The following SERPINA9 variants were observed in gnomAD, a reference collection of about 807,000 sequenced individuals.
SERPINA9 encodes serpin A9.
SERPINA9 carries 32 observed loss-of-function variants against 24.5 expected under a neutral mutation model. That is an observed-to-expected ratio of 1.30 (90% CI 0.98 to 1.75). The LOEUF (loss-of-function observed/expected upper bound fraction) is 1.75. SERPINA9 is among the 40% of genes most tolerant of loss of function. The pLI, the probability that SERPINA9 is intolerant of heterozygous loss-of-function variation, is 0.00. For synonymous variants in SERPINA9, 233 were observed against 197.7 expected (o/e 1.18, Z -1.50); for missense variants, 594 against 497.1 (o/e 1.19, Z -1.85).
At chr14:94,464,461 A>T in intron 4 of SERPINA9, 1 of 548,234 alleles carries the variant, frequency 1.8e-6, no homozygotes, top group Non-Finnish European at 3.2e-6. Context: ...GCTCTCCTGC[A>T]GCAGGCATGG....
intron 1 of SERPINA9, among the ~76,000 whole-genome samples, chr14:94,474,737 A>T (rs8006332): frequency 6.6e-6 from 1 of 151,506 alleles, no homozygotes; most frequent in Non-Finnish European, 1.5e-5. Context: ...TGACAGGGAC[A>T]CTCTGCCGTC....
rs1899221113 is a variant in SERPINA9, at chr14:94,469,776, G to C, written c.65C>G (p.Ser22Cys). Reference sequence around the variant, plus strand: ...GTATGCACTGGGGGCATTGGCCGGGGACACACAGTAGATTGGAGCACAGAG... The same window carrying C: ...GTATGCACTGGGGGCATTGGCCGGGCACACACAGTAGATTGGAGCACAGAG... ...VGLCAPIYCV[S>C]PANAPSAYPR... Residue 22 changes from serine to cysteine, a missense_variant, in exon 2 of 5, where the codon TCC (serine) becomes TGC (cysteine). Physicochemically the swap from Ser to Cys is moderately radical, Grantham distance 112. Coordinates refer to ENST00000674397, the MANE Select transcript of SERPINA9 (RefSeq NM_175739.4). 6.5e-7 allele frequency: 1 copy of C among 1,547,300 alleles called. No individual in the cohort carries two copies. Among genetic ancestry groups the C allele is most frequent in the Admixed American group, 2.0e-5 (1 of 51,140 alleles).
In SERPINA9 at chr14:94,469,591, G is replaced by T. The variant is rs751390983; in HGVS notation, c.250C>A (p.Leu84Ile). The change falls in exon 2 of 5, where the codon CTT becomes ATT. Residue 84 changes from leucine to isoleucine, a missense_variant. Coordinates refer to ENST00000674397, the MANE Select transcript of SERPINA9 (RefSeq NM_175739.4). ...SVSTSLAMLS[L>I]GAHSVTKTQI... ...GTCTTGGTGACTGAGTGGGCCCCAA[G>T]GGAGAGCATGGCCAGGGAAGTGGAG... 6.2e-7 allele frequency: 1 copy of T among 1,614,182 alleles called. No homozygotes were observed.
intron 1 of SERPINA9, 127 bp downstream of exon 1, chr14:94,476,009 G>A: frequency 6.9e-7 from 1 of 1,446,108 alleles, no homozygotes; most frequent in Non-Finnish European, 9.6e-7. Context: ...CAACTAATGT[G>A]TCTAGGTTCT....
At position 94,463,112 on chromosome 14, in the gene SERPINA9, T is replaced by C; in HGVS notation, c.1235A>G (p.Glu412Gly). 1.2e-6 allele frequency: 2 copies of C among 1,614,106 alleles called. No individual in the cohort carries two copies. The highest frequency in any genetic ancestry group is 1.7e-6 in the Non-Finnish European group (2 of 1,179,898). ...TDGILFLGKV[E>G]NPTKS Reference sequence around the variant, plus strand: ...TCCCACCTAGGATTTAGTGGGATTTTCCACTTTCCCTAGAAAGAGAATACC... The same window carrying C: ...TCCCACCTAGGATTTAGTGGGATTTCCCACTTTCCCTAGAAAGAGAATACC... Residue 412 changes from glutamate to glycine, a missense_variant, in exon 5 of 5, where the codon GAA becomes GGA. Glu to Gly is a moderately conservative substitution (Grantham distance 98). Coordinates refer to ENST00000674397, the MANE Select transcript of SERPINA9 (RefSeq NM_175739.4).
chr14:94,471,685 G>A lies in SERPINA9; in HGVS notation c.-17-1828C>T, dbSNP rs191767645. ...CATCCATCCACCTACTGGACTCTTT[G>A]CCAACCTGTTCTGAACTGACCTCCA... On this transcript the variant is annotated intron_variant, in intron 1 of 4. Coordinates refer to ENST00000674397, the MANE Select transcript of SERPINA9 (RefSeq NM_175739.4). 1.5e-3 allele frequency among the ~76,000 whole-genome samples: 224 copies of A among 152,012 alleles called. 1 individual carries two copies. The highest frequency in any genetic ancestry group is 3.5e-3 in the Admixed American group (53 of 15,270).
intron 1 of SERPINA9, among the ~76,000 whole-genome samples, chr14:94,471,668 C>T (rs142505000): frequency 3.3e-5 from 5 of 152,280 alleles, no homozygotes; most frequent in African/African-American, 1.2e-4. Flanking sequence ...TCCATCCATC[C>T]ACCTACTGGA....
At chr14:94,469,162 T>C (rs1375957075) in intron 2 of SERPINA9, 51 bp downstream of exon 2, 1 of 1,524,988 alleles carries the variant, frequency 6.6e-7, no homozygotes, top group South Asian at 1.2e-5. Context: ...GCAAAAATCA[T>C]CATCATCATC....
intron 1 of SERPINA9, among the ~76,000 whole-genome samples, chr14:94,470,344 C>T (rs1899251780): frequency 6.6e-6 from 1 of 152,184 alleles, no homozygotes; most frequent in Non-Finnish European, 1.5e-5. Flanking sequence ...AGGCATTTTA[C>T]TAATGTGTTC....
intron 1 of SERPINA9, among the ~76,000 whole-genome samples, chr14:94,475,324 C>T (rs543784690): frequency 6.6e-6 from 1 of 152,250 alleles, no homozygotes; most frequent in African/African-American, 2.4e-5. Context: ...CAGGGAAAAG[C>T]TTCACCTTTT....
chr14:94,465,425 G>A (rs1898955326), intron 3 of SERPINA9, among the ~76,000 whole-genome samples: 1 of 152,186 alleles, frequency 6.6e-6, no homozygotes, highest in African/African-American at 2.4e-5. Flanking sequence ...ACTGCAGGTG[G>A]CTTAGCGGCT....
chr14:94,466,040 C>T (rs529124550), intron 3 of SERPINA9, among the ~76,000 whole-genome samples: 1 of 152,188 alleles, frequency 6.6e-6, no homozygotes, highest in Admixed American at 6.5e-5. Context: ...TTCCCTGCCA[C>T]TGTCCTCTTT....
At chr14:94,467,515 T>C (rs1899066929) in intron 2 of SERPINA9, 133 bp from the exon 3 acceptor site, 2 of 775,162 alleles carry the variant, frequency 2.6e-6, no homozygotes, top group African/African-American at 3.4e-5. Context: ...TGCTCTGATA[T>C]TACACAGCGG....
intron 1 of SERPINA9, among the ~76,000 whole-genome samples, chr14:94,475,383 C>T (rs1899544610): frequency 6.6e-6 from 1 of 152,238 alleles, no homozygotes; most frequent in African/African-American, 2.4e-5. Flanking sequence ...GCCCACCCTG[C>T]TACATGTGTG....
At chr14:94,475,848 C>G (rs1899607230) in intron 1 of SERPINA9, 1 of 486,154 alleles carries the variant, frequency 2.1e-6, no homozygotes, top group Non-Finnish European at 3.6e-6. Context: ...CTTCTAGCAG[C>G]TGCCCTATTT....
At chr14:94,468,046 G>C (rs575194633) in intron 2 of SERPINA9, among the ~76,000 whole-genome samples, 5 of 151,496 alleles carry the variant, frequency 3.3e-5, no homozygotes, top group South Asian at 2.1e-4. Flanking sequence ...ATGGTTGGCT[G>C]TCTGGGTGGA....
chr14:94,462,999 G>C lies in SERPINA9; in HGVS notation c.*94C>G. On this transcript the variant is annotated 3_prime_UTR_variant, in exon 5 of 5. Coordinates refer to ENST00000674397, the MANE Select transcript of SERPINA9 (RefSeq NM_175739.4). ...CCCTGCCAGCGAATCCAGCTCCACTGGGGTCAAATGCACCCTCAGAACAGA... is the reference window on the plus strand; with the variant it reads ...CCCTGCCAGCGAATCCAGCTCCACTCGGGTCAAATGCACCCTCAGAACAGA... 1 of 1,105,564 alleles carries C rather than the reference G, an allele frequency of 9.0e-7. No homozygotes were observed. Among genetic ancestry groups the C allele is most frequent in the East Asian group, 2.4e-5 (1 of 42,044 alleles). 68.5% of individuals were successfully genotyped at this position (1,105,564 alleles called of 1,614,324 possible). A position where few individuals can be genotyped will look rare whatever the true frequency, so the allele number is the denominator to read the frequency against.
chr14:94,464,679 T>G (rs8020984), intron 4 of SERPINA9, 28 bp downstream of exon 4: 1,324,801 of 1,590,110 alleles, frequency 0.83, 553,550 homozygotes, highest in South Asian at 0.86. Flanking sequence ...AGCTTGGACT[T>G]TTTTGCAAAT....
chr14:94,474,351 C>T (rs1201228899), intron 1 of SERPINA9, among the ~76,000 whole-genome samples: 2 of 152,170 alleles, frequency 1.3e-5, no homozygotes, highest in Non-Finnish European at 2.9e-5. Flanking sequence ...TAGGGGAGAC[C>T]CACCTGAAGT....
Sources: allele counts gnomAD v4.1 joint callset (sites outside exome capture counted in the v4.1 genomes callset), GRCh38; gene constraint gnomAD v4.1.1; transcripts MANE v1.5; gene names NCBI Gene and HGNC (gene_info 2026-07-23, HGNC 2026-07-21).